DMD: variants seen among roughly 807,000 people sequenced by gnomAD.
The protein encoded by DMD is dystrophin, also known as mutant dystrophin.
DMD carries 63 observed loss-of-function variants against 330.1 expected under a neutral mutation model. The ratio of observed to expected loss-of-function variants is 0.19; its 90% CI spans 0.16 to 0.24. The LOEUF is 0.24. DMD is among the 10% of genes least tolerant of loss of function. DMD has a pLI of 1.00. For missense variants in DMD, 3,344 were observed against 2,684.1 expected (o/e 1.25, Z -5.43); for synonymous variants, 1,223 against 959.8 (o/e 1.27, Z -5.07).
At chrX:31,192,707 A>G (rs2042499917) in intron 67 of DMD, among the ~76,000 whole-genome samples, 2 of 112,198 alleles carry the variant, frequency 1.8e-5, no homozygotes. Context: ...AAAAGGCCCA[A>G]AGAGGTTAAG....
At chrX:31,511,257 TATAAC>T (rs1255381312) in intron 55 of DMD, among the ~76,000 whole-genome samples, 34 of 108,519 alleles carry the variant, frequency 3.1e-4, no homozygotes, top group African/African-American at 1.0e-3. Context: ...TATAATATAA[TATAAC>T]ATAACATAAT....
chrX:32,429,259 G>GAGTGAA (rs1367593978), intron 29 of DMD, among the ~76,000 whole-genome samples: 1 of 94,512 alleles, frequency 1.1e-5, no homozygotes, highest in Admixed American at 1.2e-4. Flanking sequence ...ACCCAGTCTG[G>GAGTGAA]AGTGAAATGG....
chrX:32,401,636 G>T (rs767824802), intron 30 of DMD, among the ~76,000 whole-genome samples: 1 of 111,494 alleles, frequency 9.0e-6, no homozygotes, highest in African/African-American at 3.3e-5. Flanking sequence ...TAATGAGCAA[G>T]ACCTAGTATT....
intron 65 of DMD, among the ~76,000 whole-genome samples, chrX:31,208,851 G>GA (rs1371907675): frequency 0.026 from 2,591 of 101,148 alleles, 21 homozygotes; most frequent in Middle Eastern, 0.048. Flanking sequence ...TTAAGCTCAA[G>GA]AAAAAAAAAA....
intron 44 of DMD, chrX:32,151,353 T>G (rs905583189): frequency 1.8e-5 from 2 of 111,416 alleles, no homozygotes; most frequent in Admixed American, 1.9e-4. Context: ...GTTCTCTAGT[T>G]ATATACTTGT....
chrX:31,854,936 C>T (rs1323169004), intron 48 of DMD, among the ~76,000 whole-genome samples: 2 of 111,346 alleles, frequency 1.8e-5, no homozygotes, highest in African/African-American at 6.5e-5. Context: ...GTGACAACCA[C>T]AAATATCTCC....
chrX:32,315,108 G>A lies in DMD; in HGVS notation c.5923-4832C>T, dbSNP rs769577976. 9.0e-5 allele frequency among the ~76,000 whole-genome samples: 10 copies of A among 111,722 alleles called. No individual in the cohort carries two copies. In the East Asian group the frequency reaches 2.8e-3, roughly 32 times the overall value. ...GCACACGTATGTTTATTGCAGCACT[G>A]TTCACAATAGCAAAGAATTGCAACC... On this transcript the variant is annotated intron_variant, in intron 41 of 78. Coordinates refer to ENST00000357033, the MANE Select transcript of DMD (RefSeq NM_004006.3).
At chrX:31,890,061 T>C (rs2094219525) in intron 47 of DMD, among the ~76,000 whole-genome samples, 1 of 109,906 alleles carries the variant, frequency 9.1e-6, no homozygotes, top group African/African-American at 3.3e-5. Flanking sequence ...TCTGTTAAAA[T>C]TTGGTTTCTT....
intron 67 of DMD, among the ~76,000 whole-genome samples, chrX:31,192,915 T>C (rs771831879): frequency 4.0e-4 from 45 of 112,049 alleles, no homozygotes; most frequent in African/African-American, 1.4e-3. Flanking sequence ...TCCAGGTGAA[T>C]ATAAATCTTC....
At chrX:31,763,889 T>A (rs189540051) in intron 51 of DMD, among the ~76,000 whole-genome samples, 9 of 111,626 alleles carry the variant, frequency 8.1e-5, no homozygotes, top group African/African-American at 2.6e-4. Context: ...TTTTATTCTT[T>A]TTTAGAAATG....
chrX:32,619,981 C>T lies in DMD; in HGVS notation c.1332-5528G>A, dbSNP rs1349030568. ...GAAACAGAAGAGGAAGAGAAAAGTA[C>T]CACAATCTCTGCTTTCACCCTCTTG... On this transcript the variant is annotated intron_variant, in intron 11 of 78. Transcript: ENST00000357033. 4.5e-5 allele frequency among the ~76,000 whole-genome samples: 5 copies of T among 111,248 alleles called. 1 individual carries two copies. The highest frequency in any genetic ancestry group is 3.8e-4 in the Admixed American group (4 of 10,434).
At chrX:32,171,308 G>A (rs780337317) in intron 44 of DMD, among the ~76,000 whole-genome samples, 1 of 111,628 alleles carries the variant, frequency 9.0e-6, no homozygotes, top group Non-Finnish European at 1.9e-5. Flanking sequence ...CAGTCAGATA[G>A]GCAGTTTTAG....
chrX:32,621,122 T>C (rs936480634), intron 11 of DMD, among the ~76,000 whole-genome samples: 2 of 110,742 alleles, frequency 1.8e-5, no homozygotes, highest in African/African-American at 6.6e-5. Context: ...ATGAGAGCAA[T>C]TGAATTGAGT....
chrX:31,816,896 A>G (rs2092645384), intron 50 of DMD, among the ~76,000 whole-genome samples: 1 of 111,523 alleles, frequency 9.0e-6, no homozygotes, highest in Admixed American at 9.5e-5. Context: ...TTTAAGATTG[A>G]GTTAAATTAT....
Position 31,120,110 on chromosome X carries a change from T to G in DMD, c.*1809A>C, listed in dbSNP as rs1354836807. The G allele has an allele frequency of 8.9e-6, 1 of 111,778 alleles. No homozygotes were observed. Among genetic ancestry groups the G allele is most frequent in the East Asian group, 2.8e-4 (1 of 3,583 alleles). 9.2% of individuals were successfully genotyped at this position (111,778 alleles called of 1,213,427 possible). On this transcript the variant is annotated 3_prime_UTR_variant, in exon 79 of 79. Transcript: ENST00000357033. ...CTCCAAAAGCTAATTACACTTGATG[T>G]CAGAGGTAACAGATTTGCAAAATTA...
intron 2 of DMD, among the ~76,000 whole-genome samples, chrX:32,950,304 A>C (rs2091171356): frequency 9.0e-6 from 1 of 111,303 alleles, no homozygotes; most frequent in Non-Finnish European, 1.9e-5. Context: ...TCTCATAGAA[A>C]TAAGTATCAT....
intron 30 of DMD, among the ~76,000 whole-genome samples, chrX:32,397,749 T>C (rs766495790): frequency 1.8e-4 from 20 of 111,346 alleles, no homozygotes; most frequent in Non-Finnish European, 3.6e-4. Flanking sequence ...GGGCTGTTTT[T>C]AAAATCTTGC....
Position 32,771,209 on chromosome X carries a change from G to T in DMD, c.649+38284C>A, listed in dbSNP as rs1473755239. ...AGTGAAACACTTTTCAGAGACCACAGACAAATCTTTTGGACTACATCTAAA... is the reference window on the plus strand; with the variant it reads ...AGTGAAACACTTTTCAGAGACCACATACAAATCTTTTGGACTACATCTAAA... On this transcript the variant is annotated intron_variant, in intron 7 of 78. Coordinates refer to ENST00000357033, the MANE Select transcript of DMD (RefSeq NM_004006.3). Among the ~76,000 whole-genome samples, 10 of 111,791 alleles carry T rather than the reference G, an allele frequency of 8.9e-5. No homozygotes were observed. In the Admixed American group the frequency reaches 9.5e-4, roughly 11 times the overall value.
chrX:31,894,537 G>A (rs888633749), intron 47 of DMD, among the ~76,000 whole-genome samples: 5 of 111,738 alleles, frequency 4.5e-5, no homozygotes, highest in African/African-American at 9.8e-5. Flanking sequence ...CTTACGTCCC[G>A]GGGGAAACTC....
Sources: gnomAD v4.1 joint callset for allele counts (sites outside exome capture counted in the v4.1 genomes callset) on GRCh38, gnomAD v4.1.1 for gene constraint, MANE v1.5 for transcripts, NCBI Gene and HGNC (gene_info 2026-07-23, HGNC 2026-07-21) for gene names.